TTI1: variants seen among roughly 807,000 people sequenced by gnomAD.
TTI1 encodes TELO2 interacting protein 1.
In TTI1, 52 loss-of-function variants were observed where a neutral mutation model predicts 85.4. The ratio of observed to expected loss-of-function variants is 0.61; its 90% CI spans 0.49 to 0.77. TTI1 has a LOEUF of 0.77. TTI1 is among the 30% of genes least tolerant of loss of function. The pLI is 0.00. For synonymous variants in TTI1, 512 were observed against 503.9 expected (o/e 1.02, Z -0.22); for missense variants, 1,173 against 1,296.0 (o/e 0.91, Z 1.46).
chr20:38,006,125 T>C, intron 3 of TTI1, 72 bp downstream of exon 3: 1 of 1,554,944 alleles, frequency 6.4e-7, no homozygotes, highest in Admixed American at 1.7e-5. Context: ...CTTTCTGTAA[T>C]GATGTTTCAC....
intron 4 of TTI1, chr20:38,000,322 T>C (rs909792196): frequency 6.5e-6 from 1 of 154,826 alleles, no homozygotes; most frequent in African/African-American, 2.4e-5. Context: ...CAGGTTAATC[T>C]CACCAGAAAG....
chr20:37,986,392 C>T (rs1035732953), intron 7 of TTI1, among the ~76,000 whole-genome samples: 1 of 152,226 alleles, frequency 6.6e-6, no homozygotes, highest in Non-Finnish European at 1.5e-5. Flanking sequence ...AAATAAGCCA[C>T]TCTTTTTGCC....
chr20:37,985,555 T>G, intron 7 of TTI1, among the ~76,000 whole-genome samples: 1 of 146,792 alleles, frequency 6.8e-6, no homozygotes, highest in African/African-American at 2.5e-5. Context: ...TGAGACAGAG[T>G]CTCACTCTGT....
intron 4 of TTI1, among the ~76,000 whole-genome samples, chr20:38,001,057 C>T (rs1388065384): frequency 6.6e-6 from 1 of 152,202 alleles, no homozygotes; most frequent in Non-Finnish European, 1.5e-5. Context: ...GACAGCCTTT[C>T]TCCAATATGT....
At chr20:38,017,893 T>C (rs1013996989) in intron 1 of TTI1, among the ~76,000 whole-genome samples, 12 of 152,190 alleles carry the variant, frequency 7.9e-5, no homozygotes, top group African/African-American at 2.9e-4. Flanking sequence ...CATACTCTAA[T>C]AAGGATGAAC....
At chr20:38,005,840 T>C (rs2122553572) in intron 3 of TTI1, 1 of 164,146 alleles carries the variant, frequency 6.1e-6, no homozygotes, top group African/African-American at 2.4e-5. Flanking sequence ...CACAGAATCA[T>C]CCACCGCAGC....
chr20:37,994,614 ATTTT>A (rs1055275533), intron 7 of TTI1, among the ~76,000 whole-genome samples: 4 of 151,836 alleles, frequency 2.6e-5, no homozygotes, highest in Non-Finnish European at 4.4e-5. Context: ...ATCAAGACTG[ATTTT>A]TTTTCCCAAC....
At position 37,983,148 on chromosome 20, in the gene TTI1, TTGTGTG is replaced by T; in HGVS notation, c.*302_*307del. The T allele has an allele frequency of 3.9e-6, 1 of 256,420 alleles. No individual in the cohort carries two copies. The highest frequency in any genetic ancestry group is 7.6e-6 in the Non-Finnish European group (1 of 132,102). The allele number at this position is 256,420 out of a possible 1,614,324, so 15.9% of individuals were successfully genotyped here. A position where few individuals can be genotyped will look rare whatever the true frequency, so the allele number is the denominator to read the frequency against. Reference sequence around the variant, plus strand: ...ATGCAGATGGAGGGGAACTGACCTCTTGTGTGTGTGTGTGTGTGGCCTGTGAGGGAG... The same window carrying T: ...ATGCAGATGGAGGGGAACTGACCTCTTGTGTGTGTGTGGCCTGTGAGGGAG... On this transcript the variant is annotated 3_prime_UTR_variant, in exon 8 of 8. Coordinates refer to ENST00000373447, the MANE Select transcript of TTI1 (RefSeq NM_001303457.2).
chr20:38,006,216 C>G lies in TTI1; in HGVS notation c.2484G>C (p.Ser828=). 4 of 1,614,106 alleles carry G rather than the reference C, an allele frequency of 2.5e-6. No homozygotes were observed. The highest frequency in any genetic ancestry group is 3.4e-6 in the Non-Finnish European group (4 of 1,180,012). ...KEKDVADGNV[S]DFDNEEEEQS... is the part of the protein sequence containing the mutation. ...AGTTACCTTCTTCATTATCAAAATC[C>G]GAGACATTTCCATCTGCCACATCCT... Residue 828 remains serine, a synonymous_variant, in exon 3 of 8, where the codon TCG becomes TCC. Transcript: ENST00000373447.
chr20:37,986,108 C>T (rs2073186907), intron 7 of TTI1, among the ~76,000 whole-genome samples: 1 of 152,200 alleles, frequency 6.6e-6, no homozygotes, highest in Non-Finnish European at 1.5e-5. Context: ...TGACAGTTTT[C>T]CCTGGTGCCA....
intron 5 of TTI1, among the ~76,000 whole-genome samples, chr20:37,997,187 T>C (rs1210712754): frequency 6.6e-6 from 1 of 151,776 alleles, no homozygotes; most frequent in Non-Finnish European, 1.5e-5. Context: ...TGGGGAATAA[T>C]TCAAAGGAAT....
intron 1 of TTI1, among the ~76,000 whole-genome samples, chr20:38,029,382 A>C (rs2073877004): frequency 6.6e-6 from 1 of 152,016 alleles, no homozygotes; most frequent in Admixed American, 6.6e-5. Flanking sequence ...AAAAAGGTAA[A>C]CTCCTACCAC....
chr20:37,994,191 T>G (rs1325691818), intron 7 of TTI1, among the ~76,000 whole-genome samples: 2 of 152,172 alleles, frequency 1.3e-5, no homozygotes, highest in East Asian at 3.9e-4. Flanking sequence ...TGGAGTACAG[T>G]GGTGCGGTCT....
rs78784875 is a variant in TTI1, at chr20:38,011,180, A to C, written c.2302+335T>G. Among the ~76,000 whole-genome samples the C allele has an allele frequency of 4.0e-4, 61 of 152,312 alleles. No homozygotes were observed. The East Asian group carries it at 4.0e-3, about 10-fold the overall frequency. ...TACTGGAAAGAACAAAACTGTCATAAATCCTGATTTTATCATTTATTAATT... is the reference window on the plus strand; with the variant it reads ...TACTGGAAAGAACAAAACTGTCATACATCCTGATTTTATCATTTATTAATT... On this transcript the variant is annotated intron_variant, in intron 2 of 7. Transcript: ENST00000373447.
intron 7 of TTI1, among the ~76,000 whole-genome samples, chr20:37,990,052 C>G (rs1235527900): frequency 1.3e-5 from 2 of 152,154 alleles, no homozygotes; most frequent in African/African-American, 4.8e-5. Context: ...CTTCCTGTAC[C>G]ATTTTCCTCT....
chr20:38,004,142 T>C (rs2073464507), intron 3 of TTI1, among the ~76,000 whole-genome samples: 1 of 152,186 alleles, frequency 6.6e-6, no homozygotes, highest in South Asian at 2.1e-4. Flanking sequence ...AAATGAGATA[T>C]TACCAGTCAT....
rs2073225606 is a variant in TTI1, at chr20:37,988,836, T to C, written c.3087-5197A>G. Among the ~76,000 whole-genome samples, 5 of 151,878 alleles carry C rather than the reference T, an allele frequency of 3.3e-5. No homozygotes were observed. The South Asian group carries it at 1.0e-3, about 31-fold the overall frequency. ...CACTAAGTTATTTTGGTGTTCCCGT[T>C]GTTCCCTCTCTGGCAGCACAGCCTC... is the stretch of plus-strand genomic sequence containing the variant. On this transcript the variant is annotated intron_variant, in intron 7 of 7. Transcript: ENST00000373447.
rs139172995 is a variant in TTI1 at position 38,032,120 on chromosome 20, C to T, written c.-42+1284G>A. 6.9e-3 allele frequency among the ~76,000 whole-genome samples: 1,052 copies of T among 152,294 alleles called. 5 individuals are homozygous for T. The highest frequency in any genetic ancestry group is 0.02 in the African/African-American group (836 of 41,554). ...AAAGATGGCTAAGTTGCAGCCCCTT[C>T]CCTCAAGTCTTAGTAATGTGATCTT... On this transcript the variant is annotated intron_variant, in intron 1 of 7. Coordinates refer to ENST00000373447, the MANE Select transcript of TTI1 (RefSeq NM_001303457.2).
chr20:37,983,521 C>A lies in TTI1; in HGVS notation c.3205G>T (p.Gly1069Trp). ...HPSLHPVQLH[G>W]ASGQQNPYTT... Reference sequence around the variant, plus strand: ...TAGGGGTTCTGCTGCCCGCTGGCCCCGTGCAGCTGCACAGGGTGGAGGCTG... The same window carrying A: ...TAGGGGTTCTGCTGCCCGCTGGCCCAGTGCAGCTGCACAGGGTGGAGGCTG... Residue 1069 changes from glycine to tryptophan, a missense_variant, in exon 8 of 8, where the codon GGG becomes TGG. Coordinates refer to ENST00000373447, the MANE Select transcript of TTI1 (RefSeq NM_001303457.2). 6.2e-7 allele frequency: 1 copy of A among 1,610,974 alleles called. No individual in the cohort carries two copies. The highest frequency in any genetic ancestry group is 2.2e-5 in the East Asian group (1 of 44,696).
Sources: gnomAD v4.1 joint callset for allele counts (sites outside exome capture counted in the v4.1 genomes callset) on GRCh38, gnomAD v4.1.1 for gene constraint, MANE v1.5 for transcripts, NCBI Gene and HGNC (gene_info 2026-07-23, HGNC 2026-07-21) for gene names.